The following SPOPL variants were observed in gnomAD, a reference collection of about 807,000 sequenced individuals.
SPOPL encodes speckle-type POZ protein-like.
A neutral mutation model predicts 53.8 loss-of-function variants in SPOPL; 23 were observed. That is an observed-to-expected ratio of 0.43 (90% CI 0.31 to 0.61). The LOEUF (loss-of-function observed/expected upper bound fraction) is 0.61, where lower values mean the gene tolerates loss of function less well. Among genes scored for constraint, SPOPL ranks in the 20% least tolerant of loss-of-function variants. SPOPL has a pLI of 0.12. For missense variants in SPOPL, 442 were observed against 466.9 expected, an observed-to-expected ratio of 0.95 and a Z score of 0.49; for synonymous variants, 164 against 149.7, an observed-to-expected ratio of 1.10 and a Z score of -0.70.
chr2:138,523,358 A>C (rs1027444195), intron 1 of SPOPL, among the ~76,000 whole-genome samples: 1 of 152,138 alleles, frequency 6.6e-6, no homozygotes. Flanking sequence ...GCCACAACAC[A>C]TGGGAATTAT....
chr2:138,567,805 AAT>A (rs927648722), intron 10 of SPOPL, among the ~76,000 whole-genome samples: 5 of 152,174 alleles, frequency 3.3e-5, no homozygotes, highest in African/African-American at 1.2e-4. Context: ...GGGAGAATCT[AAT>A]ATTTGGATAT....
intron 1 of SPOPL, among the ~76,000 whole-genome samples, chr2:138,516,369 G>A (rs1684437912): frequency 6.6e-6 from 1 of 152,180 alleles, no homozygotes; most frequent in Non-Finnish European, 1.5e-5. Flanking sequence ...GGTAATAAGA[G>A]ATATTGAGGG....
intron 1 of SPOPL, among the ~76,000 whole-genome samples, chr2:138,541,650 C>T (rs191114496): frequency 1.1e-4 from 16 of 152,136 alleles, no homozygotes; most frequent in South Asian, 2.1e-4. Flanking sequence ...GTCTTGCTAG[C>T]GGTCTATCAA....
chr2:138,560,202 A>G (rs769347957), intron 7 of SPOPL, among the ~76,000 whole-genome samples: 16 of 152,136 alleles, frequency 1.1e-4, no homozygotes, highest in Admixed American at 3.3e-4. Context: ...CCAGTATATG[A>G]TAATACATGC....
At chr2:138,517,306 C>T (rs1684459509) in intron 1 of SPOPL, among the ~76,000 whole-genome samples, 1 of 152,094 alleles carries the variant, frequency 6.6e-6, no homozygotes, top group Non-Finnish European at 1.5e-5. Flanking sequence ...TTTAGAACTT[C>T]CGACAATTAT....
chr2:138,507,955 A>G lies in SPOPL; in HGVS notation c.-61+5836A>G, dbSNP rs759042967. ...TTTAGTTATATTCCAGTGACTTATT[A>G]TGGAAGAAATTTTATACATGTAACT... is the stretch of plus-strand genomic sequence containing the variant. On this transcript the variant is annotated intron_variant, in intron 1 of 10. Coordinates refer to ENST00000280098, the MANE Select transcript of SPOPL (RefSeq NM_001001664.3). Among the ~76,000 whole-genome samples, 4 of 152,200 alleles carry G rather than the reference A, an allele frequency of 2.6e-5. No homozygotes were observed. The East Asian group carries it at 7.7e-4, about 29-fold the overall frequency.
intron 1 of SPOPL, among the ~76,000 whole-genome samples, chr2:138,522,524 C>A (rs1207743882): frequency 6.6e-6 from 1 of 152,136 alleles, no homozygotes; most frequent in African/African-American, 2.4e-5. Flanking sequence ...ACATCCCTCC[C>A]TTCCTTTCCC....
chr2:138,543,295 G>A (rs1685116666), intron 1 of SPOPL, among the ~76,000 whole-genome samples: 1 of 152,120 alleles, frequency 6.6e-6, no homozygotes, highest in Non-Finnish European at 1.5e-5. Context: ...TTGCTAGATT[G>A]GGGAAGTTCT....
intron 5 of SPOPL, chr2:138,554,406 C>T (rs1268695125): frequency 8.5e-7 from 1 of 1,177,772 alleles, no homozygotes; most frequent in Admixed American, 2.6e-5. Flanking sequence ...ACTGTTTGTT[C>T]CACCCCGCTC....
intron 1 of SPOPL, among the ~76,000 whole-genome samples, chr2:138,532,688 C>T (rs530653969): frequency 2.2e-4 from 33 of 150,546 alleles, no homozygotes; most frequent in African/African-American, 7.3e-4. Flanking sequence ...GTGATCTGCC[C>T]GCCTCGGCCT....
intron 1 of SPOPL, among the ~76,000 whole-genome samples, chr2:138,511,821 C>G (rs1234007738): frequency 6.6e-6 from 1 of 152,146 alleles, no homozygotes; most frequent in African/African-American, 2.4e-5. Flanking sequence ...TGCTTTACTC[C>G]AGAGCTCTCC....
In SPOPL at chr2:138,570,397, C is replaced by G. The variant is rs1411282964; in HGVS notation, c.*1317C>G. The G allele has an allele frequency of 6.6e-6, 1 of 152,090 alleles. No homozygotes were observed. The highest frequency in any genetic ancestry group is 1.5e-5 in the Non-Finnish European group (1 of 68,008). 9.4% of individuals were successfully genotyped at this position (152,090 alleles called of 1,614,324 possible). On this transcript the variant is annotated 3_prime_UTR_variant, in exon 11 of 11. Transcript: ENST00000280098. ...CTATTTATAAACTGCTTTTCATGGG[C>G]CAGTTCTTTATTATAAATGAATTTT...
chr2:138,554,485 T>C (rs1685380369), intron 5 of SPOPL: 1 of 1,289,696 alleles, frequency 7.8e-7, no homozygotes, highest in Non-Finnish European at 1.0e-6. Context: ...TGCACTACCC[T>C]TCCTAAAGAA....
At chr2:138,536,358 A>ACG (rs1198138978) in intron 1 of SPOPL, among the ~76,000 whole-genome samples, 6 of 150,858 alleles carry the variant, frequency 4.0e-5, no homozygotes, top group Admixed American at 2.6e-4. Flanking sequence ...ACACACACAC[A>ACG]CACGCACACA....
At chr2:138,542,307 G>A (rs758862738) in intron 1 of SPOPL, among the ~76,000 whole-genome samples, 23 of 152,122 alleles carry the variant, frequency 1.5e-4, no homozygotes, top group African/African-American at 4.6e-4. Flanking sequence ...TTTGTGTCTC[G>A]TTGATCTGTC....
chr2:138,567,609 G>C (rs1049705533), intron 10 of SPOPL, among the ~76,000 whole-genome samples: 1 of 152,124 alleles, frequency 6.6e-6, no homozygotes, highest in African/African-American at 2.4e-5. Context: ...AACAATCTCT[G>C]CATGCAGGGT....
chr2:138,507,973 A>G (rs1356547133), intron 1 of SPOPL, among the ~76,000 whole-genome samples: 4 of 152,214 alleles, frequency 2.6e-5, no homozygotes, highest in African/African-American at 7.2e-5. Context: ...AATTTTATAC[A>G]TGTAACTTTT....
intron 1 of SPOPL, among the ~76,000 whole-genome samples, chr2:138,528,913 T>G (rs1419193798): frequency 6.6e-6 from 1 of 152,152 alleles, no homozygotes; most frequent in Non-Finnish European, 1.5e-5. Flanking sequence ...ATCTTCTTCT[T>G]AGAGTTAATT....
chr2:138,539,606 T>G (rs1273203848), intron 1 of SPOPL, among the ~76,000 whole-genome samples: 2 of 152,124 alleles, frequency 1.3e-5, no homozygotes, highest in African/African-American at 2.4e-5. Context: ...TGTTTGTTTT[T>G]TTCTTGTAAA....
Sources: gnomAD v4.1 joint callset for allele counts (sites outside exome capture counted in the v4.1 genomes callset) on GRCh38, gnomAD v4.1.1 for gene constraint, MANE v1.5 for transcripts, NCBI Gene and HGNC (gene_info 2026-07-23, HGNC 2026-07-21) for gene names.